Variants in PHLDB2 observed in about 807,000 individuals in gnomAD.
PHLDB2 encodes pleckstrin homology like domain family B member 2, also known as pleckstrin homology-like domain family B member 2.
Under a neutral mutation model 123.6 loss-of-function variants are expected in PHLDB2, and 71 were observed. The observed-to-expected ratio is 0.57, with a 90% CI of 0.47 to 0.70. The LOEUF (loss-of-function observed/expected upper bound fraction) is 0.70. Ranked by LOEUF, PHLDB2 falls within the 30% of genes least tolerant of loss-of-function variation. The pLI, the probability that PHLDB2 is intolerant of heterozygous loss-of-function variation, is 0.00. For missense variants in PHLDB2, 1,446 were observed against 1,519.5 expected (o/e 0.95, Z 0.80); for synonymous variants, 547 against 541.6 (o/e 1.01, Z -0.14).
chr3:111,890,319 T>A (rs915588140), intron 2 of PHLDB2, among the ~76,000 whole-genome samples: 2 of 152,068 alleles, frequency 1.3e-5, no homozygotes, highest in African/African-American at 4.8e-5. Context: ...CTAAAGAGAT[T>A]AGCGAGTCAG....
intron 1 of PHLDB2, 192 bp from the exon 2 acceptor site, chr3:111,883,872 C>G: frequency 1.8e-6 from 1 of 556,148 alleles, no homozygotes; most frequent in African/African-American, 1.9e-5. Context: ...CATAAGTTAT[C>G]TCAGGTCAAT....
rs1559855324 is a variant in PHLDB2 at position 111,831,021 on chromosome 3, GAAA to G, written c.-48-14799_-48-14797del. Among the ~76,000 whole-genome samples, 40 of 104,688 alleles carry G rather than the reference GAAA, an allele frequency of 3.8e-4. 4 individuals carry two copies. The highest frequency in any genetic ancestry group is 1.7e-3 in the African/African-American group (40 of 23,098). 68.7% of individuals were successfully genotyped at this position (104,688 alleles called of 152,430 possible). ...AGAAAGAAAGAAAGAAAGAAAGAAA[GAAA>G]GAAAGAAAGGAAGGAAGGAAGAAAG... On this transcript the variant is annotated intron_variant, in intron 1 of 17. Coordinates refer to the PHLDB2 transcript ENST00000393923.
At position 111,913,300 on chromosome 3, in the gene PHLDB2, C is replaced by T. The variant is rs751834001; in HGVS notation, c.1336-19C>T. ...ATTCTCACAAACCCACTGACCTCCCCCTCCTCCCTGTGTTCCAGGAGAGAC... is the reference window on the plus strand; with the variant it reads ...ATTCTCACAAACCCACTGACCTCCCTCTCCTCCCTGTGTTCCAGGAGAGAC... On this transcript the variant is annotated intron_variant, in intron 2 of 17. Transcript: ENST00000431670. 11 of 1,557,744 alleles carry T rather than the reference C, an allele frequency of 7.1e-6. No homozygotes were observed.
intron 1 of PHLDB2, among the ~76,000 whole-genome samples, chr3:111,749,983 G>T (rs551274884): frequency 5.3e-5 from 8 of 152,300 alleles, no homozygotes; most frequent in African/African-American, 1.9e-4. Context: ...TCATTAATCT[G>T]TGATACTTAC....
In PHLDB2 at chr3:111,765,296, A is replaced by C. The variant is rs147090519; in HGVS notation, c.-49+32593A>C. Among the ~76,000 whole-genome samples, 247 of 152,332 alleles carry C rather than the reference A, an allele frequency of 1.6e-3. 1 individual carries two copies. Among genetic ancestry groups the C allele is most frequent in the African/African-American group, 5.6e-3 (232 of 41,572 alleles). ...AAAAAATGGATGGACCCAAACACCA[A>C]TGGAAGAAGATCATGGAAAGTATTG... is the stretch of plus-strand genomic sequence containing the variant. On this transcript the variant is annotated intron_variant, in intron 1 of 17. Transcript: ENST00000393923.
intron 13 of PHLDB2, 84 bp from the exon 14 acceptor site, chr3:111,966,526 GGGT>G (rs2071776858): frequency 9.0e-6 from 6 of 666,468 alleles, no homozygotes; most frequent in Non-Finnish European, 1.5e-5. Flanking sequence ...TGTGTGTCTG[GGGT>G]GTGTGTGTGT....
chr3:111,818,200 G>A (rs922373005), intron 1 of PHLDB2, among the ~76,000 whole-genome samples: 1 of 150,760 alleles, frequency 6.6e-6, no homozygotes, highest in Non-Finnish European at 1.5e-5. Context: ...GTGTGTGTCT[G>A]CATGTGTTAC....
chr3:111,862,528 G>C (rs2064883718), intron 1 of PHLDB2, among the ~76,000 whole-genome samples: 1 of 152,134 alleles, frequency 6.6e-6, no homozygotes, highest in African/African-American at 2.4e-5. Flanking sequence ...CTGGGATGCG[G>C]TTAAGCACCC....
chr3:111,898,902 C>A (rs1310797350), intron 2 of PHLDB2, among the ~76,000 whole-genome samples: 1 of 152,190 alleles, frequency 6.6e-6, no homozygotes, highest in African/African-American at 2.4e-5. Flanking sequence ...GTCTTAAACC[C>A]CTCAAAGTCA....
At chr3:111,769,029 T>C (rs1401766498) in intron 1 of PHLDB2, among the ~76,000 whole-genome samples, 1 of 152,214 alleles carries the variant, frequency 6.6e-6, no homozygotes, top group Non-Finnish European at 1.5e-5. Flanking sequence ...CTTTCACCTC[T>C]GACCCATGGT....
At chr3:111,922,885 A>G (rs1052641980) in intron 5 of PHLDB2, among the ~76,000 whole-genome samples, 9 of 152,118 alleles carry the variant, frequency 5.9e-5, no homozygotes, top group Non-Finnish European at 1.0e-4. Flanking sequence ...CCCTCCTTCC[A>G]TCAAAGACCA....
rs77690158 is a variant in PHLDB2 at position 111,777,448 on chromosome 3, A to G, written c.-49+44745A>G. On this transcript the variant is annotated intron_variant, in intron 1 of 17. Coordinates refer to the PHLDB2 transcript ENST00000393923. Reference sequence around the variant, plus strand: ...GCTCTAAAATTTAGGCTCAGAATTTATGGTATTTCTTTTTATCTTATTTTC... The same window carrying G: ...GCTCTAAAATTTAGGCTCAGAATTTGTGGTATTTCTTTTTATCTTATTTTC... 1.8e-4 allele frequency among the ~76,000 whole-genome samples: 28 copies of G among 152,220 alleles called. No homozygotes were observed. The East Asian group carries it at 5.2e-3, about 28-fold the overall frequency.
At chr3:111,826,632 A>G (rs2062665607) in intron 1 of PHLDB2, among the ~76,000 whole-genome samples, 1 of 152,242 alleles carries the variant, frequency 6.6e-6, no homozygotes, top group South Asian at 2.1e-4. Context: ...AAGCATGATA[A>G]CAGTAAAACA....
chr3:111,800,801 C>G (rs899011362), intron 1 of PHLDB2, among the ~76,000 whole-genome samples: 3 of 152,160 alleles, frequency 2.0e-5, no homozygotes, highest in African/African-American at 7.2e-5. Context: ...TTATAAAAAG[C>G]TCTGTTAATA....
intron 1 of PHLDB2, among the ~76,000 whole-genome samples, chr3:111,751,008 A>G (rs2059762400): frequency 6.6e-6 from 1 of 151,972 alleles, no homozygotes; most frequent in Non-Finnish European, 1.5e-5. Context: ...CATATATGCC[A>G]GAGAAAGAGC....
intron 2 of PHLDB2, among the ~76,000 whole-genome samples, chr3:111,903,707 A>G (rs2067331391): frequency 6.6e-6 from 1 of 152,202 alleles, no homozygotes; most frequent in Non-Finnish European, 1.5e-5. Flanking sequence ...ACCATGACTG[A>G]CAAAGAGTGA....
chr3:111,962,929 CAAAAAAAA>C (rs57625439), intron 13 of PHLDB2, among the ~76,000 whole-genome samples: 1 of 93,832 alleles, frequency 1.1e-5, no homozygotes, highest in Non-Finnish European at 2.2e-5. Context: ...AACTCCATCT[CAAAAAAAA>C]AAAAAAAAAA....
chr3:111,883,895 C>T (rs1231531566), intron 1 of PHLDB2, 169 bp from the exon 2 acceptor site: 2 of 605,686 alleles, frequency 3.3e-6, no homozygotes, highest in African/African-American at 1.9e-5. Flanking sequence ...TCTTTATTCT[C>T]CTTTAATTTG....
At chr3:111,787,787 G>A (rs776581570) in intron 1 of PHLDB2, among the ~76,000 whole-genome samples, 9 of 152,076 alleles carry the variant, frequency 5.9e-5, no homozygotes, top group South Asian at 2.1e-4. Flanking sequence ...CTCTGGCAGC[G>A]TACCCAATCT....
Sources: allele counts gnomAD v4.1 joint callset (sites outside exome capture counted in the v4.1 genomes callset), GRCh38; gene constraint gnomAD v4.1.1; transcripts MANE v1.5; gene names NCBI Gene and HGNC (gene_info 2026-07-23, HGNC 2026-07-21).